MCUB: variants seen among roughly 807,000 people sequenced by gnomAD.
The protein encoded by MCUB is calcium uniporter regulatory subunit MCUb, mitochondrial.
Under a neutral mutation model 41.4 loss-of-function variants are expected in MCUB, and 46 were observed. The ratio of observed to expected loss-of-function variants is 1.11; its 90% confidence interval spans 0.88 to 1.42. The LOEUF is 1.42. MCUB is among the 40% of genes most tolerant of loss of function. The pLI is 0.00. For synonymous variants in MCUB, 148 were observed against 148.2 expected, an observed-to-expected ratio of 1.00 and a Z score of 0.01; for missense variants, 403 against 404.9, an observed-to-expected ratio of 1.00 and a Z score of 0.04.
At chr4:109,625,844 T>A (rs1728349193) in intron 1 of MCUB, among the ~76,000 whole-genome samples, 1 of 152,228 alleles carries the variant, frequency 6.6e-6, no homozygotes, top group African/African-American at 2.4e-5. Context: ...CAGTTTCCAT[T>A]GAGTATACAG....
chr4:109,590,026 T>C (rs1393565872), intron 1 of MCUB, among the ~76,000 whole-genome samples: 1 of 152,232 alleles, frequency 6.6e-6, no homozygotes, highest in African/African-American at 2.4e-5. Flanking sequence ...ACGTTGTTCC[T>C]TTTTTTAACT....
intron 1 of MCUB, among the ~76,000 whole-genome samples, chr4:109,629,787 C>G (rs1415135461): frequency 6.6e-6 from 1 of 152,182 alleles, no homozygotes; most frequent in East Asian, 1.9e-4. Flanking sequence ...TTTATGTGTT[C>G]AACTACCTGG....
intron 1 of MCUB, among the ~76,000 whole-genome samples, chr4:109,595,306 A>G (rs1254538834): frequency 6.6e-6 from 1 of 152,232 alleles, no homozygotes; most frequent in Non-Finnish European, 1.5e-5. Context: ...GGGAGAGATG[A>G]TAATTAACCA....
In MCUB at chr4:109,646,773, G is replaced by A. The variant is rs577401656; in HGVS notation, c.100-12238G>A. Among the ~76,000 whole-genome samples the A allele has an allele frequency of 5.3e-5, 8 of 152,196 alleles. No individual in the cohort carries two copies. The East Asian group carries it at 1.5e-3, about 29-fold the overall frequency. ...AAGTTTCTTAGACCTCAGGGACATA[G>A]CACATGGTGTTCTGTCTGGAATGTT... On this transcript the variant is annotated intron_variant, in intron 1 of 7. Coordinates refer to ENST00000394650, the MANE Select transcript of MCUB (RefSeq NM_017918.5).
intron 4 of MCUB, among the ~76,000 whole-genome samples, chr4:109,666,037 G>C (rs1729339757): frequency 6.6e-6 from 1 of 152,104 alleles, no homozygotes; most frequent in Admixed American, 6.5e-5. Context: ...TAAGGGAGGA[G>C]ACGAGGCAGT....
intron 1 of MCUB, among the ~76,000 whole-genome samples, chr4:109,576,118 G>C (rs1055103817): frequency 6.6e-6 from 1 of 152,184 alleles, no homozygotes; most frequent in Non-Finnish European, 1.5e-5. Context: ...ATTTTATAGT[G>C]ATAAGCAGAA....
chr4:109,664,012 C>G (rs1451557604), intron 3 of MCUB, among the ~76,000 whole-genome samples: 3 of 152,232 alleles, frequency 2.0e-5, no homozygotes, highest in Non-Finnish European at 2.9e-5. Flanking sequence ...TCCACAGATG[C>G]AGTTTCACCA....
At chr4:109,561,743 T>C (rs1385225677) in intron 1 of MCUB, among the ~76,000 whole-genome samples, 2 of 152,112 alleles carry the variant, frequency 1.3e-5, no homozygotes, top group Non-Finnish European at 2.9e-5. Context: ...AAACACAGAT[T>C]ATTGTTTTTT....
chr4:109,660,172 T>TC, intron 2 of MCUB, 23 bp from the exon 3 acceptor site: 1 of 1,231,856 alleles, frequency 8.1e-7, no homozygotes, highest in East Asian at 2.6e-5. Context: ...TTACTCATTT[T>TC]TTTTTCTTTT....
chr4:109,585,217 C>T (rs1052237092), intron 1 of MCUB, among the ~76,000 whole-genome samples: 7 of 152,144 alleles, frequency 4.6e-5, no homozygotes, highest in Non-Finnish European at 1.0e-4. Flanking sequence ...TTCTTTGTCT[C>T]TTTTGATCTT....
At chr4:109,628,392 G>A (rs1235864791) in intron 1 of MCUB, among the ~76,000 whole-genome samples, 1 of 152,190 alleles carries the variant, frequency 6.6e-6, no homozygotes, top group Non-Finnish European at 1.5e-5. Context: ...GGGATATTGA[G>A]TTTTTATCAA....
At position 109,677,442 on chromosome 4, in the gene MCUB, G is replaced by T. The variant is rs148433071; in HGVS notation, c.452-5140G>T. Among the ~76,000 whole-genome samples the T allele has an allele frequency of 5.1e-3, 774 of 152,254 alleles. 3 individuals carry two copies. The highest frequency in any genetic ancestry group is 0.018 in the African/African-American group (735 of 41,542). On this transcript the variant is annotated intron_variant, in intron 4 of 7. Transcript: ENST00000394650. ...GGATGGAGTGAATGTATTTTGTGTG[G>T]GAAAAGGACATGAATTTGAGGGGCC...
chr4:109,638,027 G>GTTTGT (rs373360206), intron 1 of MCUB, among the ~76,000 whole-genome samples: 4 of 152,100 alleles, frequency 2.6e-5, no homozygotes, highest in African/African-American at 9.7e-5. Flanking sequence ...AACATTTTTT[G>GTTTGT]TTTGTTTTGT....
intron 1 of MCUB, among the ~76,000 whole-genome samples, chr4:109,595,138 T>C (rs977484469): frequency 3.3e-5 from 5 of 151,942 alleles, no homozygotes; most frequent in African/African-American, 4.8e-5. Context: ...CCAGTTGATA[T>C]ATGTGGTCAT....
At chr4:109,644,776 A>G (rs1728797713) in intron 1 of MCUB, among the ~76,000 whole-genome samples, 1 of 152,216 alleles carries the variant, frequency 6.6e-6, no homozygotes, top group African/African-American at 2.4e-5. Flanking sequence ...ACACCTTTAC[A>G]CATAAATCTT....
At chr4:109,609,317 T>C (rs1727948816) in intron 1 of MCUB, among the ~76,000 whole-genome samples, 1 of 152,238 alleles carries the variant, frequency 6.6e-6, no homozygotes, top group African/African-American at 2.4e-5. Flanking sequence ...TATTTCTTGA[T>C]GATATGCTAA....
At chr4:109,610,899 A>G (rs1455073218) in intron 1 of MCUB, among the ~76,000 whole-genome samples, 1 of 152,190 alleles carries the variant, frequency 6.6e-6, no homozygotes, top group Non-Finnish European at 1.5e-5. Context: ...TAGTAACTGC[A>G]GAAAGATGAG....
intron 1 of MCUB, among the ~76,000 whole-genome samples, chr4:109,618,122 C>G (rs914125504): frequency 1.3e-5 from 2 of 152,192 alleles, no homozygotes; most frequent in African/African-American, 4.8e-5. Context: ...TTTCTGTATT[C>G]TGCTCAATGC....
chr4:109,632,829 G>C (rs1728504350), intron 1 of MCUB, among the ~76,000 whole-genome samples: 1 of 152,122 alleles, frequency 6.6e-6, no homozygotes, highest in Non-Finnish European at 1.5e-5. Flanking sequence ...TGGCCAGGCT[G>C]ATCTCGAACT....
Sources: gnomAD v4.1 joint callset for allele counts (sites outside exome capture counted in the v4.1 genomes callset) on GRCh38, gnomAD v4.1.1 for gene constraint, MANE v1.5 for transcripts, NCBI Gene and HGNC (gene_info 2026-07-23, HGNC 2026-07-21) for gene names.